The following ITPR3 variants were observed in gnomAD, a reference collection of about 807,000 sequenced individuals.
ITPR3 encodes inositol 1,4,5-trisphosphate receptor type 3.
A neutral mutation model predicts 293.2 loss-of-function variants in ITPR3; 173 were observed. The observed-to-expected ratio is 0.59, with a 90% CI of 0.52 to 0.67. ITPR3 has a LOEUF of 0.67. ITPR3 is among the 30% of genes least tolerant of loss of function. The pLI is 0.00. For missense variants in ITPR3, 2,796 were observed against 3,592.1 expected (o/e 0.78, Z 5.66); for synonymous variants, 1,295 against 1,444.4 (o/e 0.90, Z 2.35).
chr6:33,693,263 T>C (rs1182649905), intron 55 of ITPR3, among the ~76,000 whole-genome samples: 1 of 151,916 alleles, frequency 6.6e-6, no homozygotes, highest in Non-Finnish European at 1.5e-5. Flanking sequence ...ACCTCGCTCA[T>C]TCAGCCATTC....
chr6:33,638,859 A>G lies in ITPR3; in HGVS notation c.90-1625A>G, dbSNP rs1051586154. Among the ~76,000 whole-genome samples the G allele has an allele frequency of 3.3e-5, 5 of 152,174 alleles. No individual in the cohort carries two copies. Among genetic ancestry groups the G allele is most frequent in the Admixed American group, 6.5e-5 (1 of 15,282 alleles). Reference sequence around the variant, plus strand: ...GAGGCCCACAGGGGCTGGCCAAGGAAGGCTTTGTAGAGTAGGAAAGCAGAG... The same window carrying G: ...GAGGCCCACAGGGGCTGGCCAAGGAGGGCTTTGTAGAGTAGGAAAGCAGAG... On this transcript the variant is annotated intron_variant, in intron 1 of 57. Coordinates refer to ENST00000605930, the MANE Select transcript of ITPR3 (RefSeq NM_002224.4). This position sits in a 1 kb window ranked among gnomAD's most constrained non-coding sequence, Gnocchi z 4.3.
Position 33,693,716 on chromosome 6 carries a change from G to C in ITPR3, c.7785+11G>C. On this transcript the variant is annotated intron_variant, in intron 56 of 57. Coordinates refer to ENST00000605930, the MANE Select transcript of ITPR3 (RefSeq NM_002224.4). Reference sequence around the variant, plus strand: ...GCCCAGATGATCAAGGTGTGAGCAGGGGCTGTGCCAGGCCTGTGGGCCCAA... The same window carrying C: ...GCCCAGATGATCAAGGTGTGAGCAGCGGCTGTGCCAGGCCTGTGGGCCCAA... The C allele has an allele frequency of 6.2e-7, 1 of 1,613,270 alleles. No individual in the cohort carries two copies. Among genetic ancestry groups the C allele is most frequent in the Non-Finnish European group, 8.5e-7 (1 of 1,179,490 alleles).
intron 20 of ITPR3, 95 bp from the exon 21 acceptor site, chr6:33,671,070 C>CGCCCTA: frequency 6.4e-7 from 1 of 1,555,600 alleles, no homozygotes; most frequent in Non-Finnish European, 8.7e-7. Context: ...ACGCCCCTTT[C>CGCCCTA]GCCCTAGTTT....
chr6:33,685,064 T>C, intron 39 of ITPR3, 121 bp downstream of exon 39: 3 of 1,175,688 alleles, frequency 2.6e-6, no homozygotes, highest in Non-Finnish European at 3.6e-6. Flanking sequence ...GCCTGAGCAG[T>C]GGCTGAGAGG....
chr6:33,655,877 A>G lies in ITPR3; in HGVS notation c.272A>G (p.Gln91Arg), dbSNP rs1764294618. The G allele has an allele frequency of 5.0e-6, 8 of 1,614,004 alleles. No individual in the cohort carries two copies. The East Asian group carries it at 1.8e-4, about 36-fold the overall frequency. ...AAGATCGCTGATGTGGTGTTGCTGC[A>G]GAAGCTGCAGGTATGTGTGTGTGTG... Reference protein sequence around the residue: ...KEKIADVVLLQKLQHAAQMEQ... With the variant: ...KEKIADVVLLRKLQHAAQMEQ... The change falls in exon 3 of 58, where the codon CAG becomes CGG. Residue 91 changes from glutamine (Q) to arginine (R), a missense_variant. This residue lies in a region of ITPR3 where 144 missense variants were observed against 230.8 expected (regional missense o/e 0.62). Coordinates refer to ENST00000605930, the MANE Select transcript of ITPR3 (RefSeq NM_002224.4). The surrounding 1 kb of genome is among the most constrained non-coding windows in gnomAD (Gnocchi z 4.9).
Position 33,658,096 on chromosome 6 carries a change from AGCAGGCATT to A in ITPR3, c.369+81_369+89del, listed in dbSNP as rs1764359071. ...GGGCTGGTGCTGGGTGAGGGCTGCC[AGCAGGCATT>A]GCCCTCTGTGCATGTGTGTCCCCGG... On this transcript the variant is annotated intron_variant, in intron 4 of 57. Transcript: ENST00000605930. This position sits in a 1 kb window ranked among gnomAD's most constrained non-coding sequence, Gnocchi z 6.1. 1 of 1,261,176 alleles carries A rather than the reference AGCAGGCATT, an allele frequency of 7.9e-7. No homozygotes were observed. Among genetic ancestry groups the A allele is most frequent in the African/African-American group, 1.5e-5 (1 of 67,378 alleles). 78.1% of individuals were successfully genotyped at this position (1,261,176 alleles called of 1,614,324 possible).
Position 33,688,794 on chromosome 6 carries a change from G to C in ITPR3, c.6694+13G>C. 6.2e-7 allele frequency: 1 copy of C among 1,614,094 alleles called. No homozygotes were observed. Among genetic ancestry groups the C allele is most frequent in the East Asian group, 2.2e-5 (1 of 44,872 alleles). On this transcript the variant is annotated intron_variant, in intron 49 of 57. Transcript: ENST00000605930. ...GGCGCGTCCACAGGTGAGAACACAG[G>C]GCTGGCCGGCAGGTTCCCCGGGCCC...
intron 2 of ITPR3, among the ~76,000 whole-genome samples, chr6:33,641,861 A>G (rs1289495622): frequency 6.6e-6 from 1 of 151,828 alleles, no homozygotes; most frequent in African/African-American, 2.4e-5. Flanking sequence ...TTCCCTGACC[A>G]CTCAATACAA....
intron 1 of ITPR3, among the ~76,000 whole-genome samples, chr6:33,623,259 C>T (rs1031485322): frequency 6.6e-6 from 1 of 151,630 alleles, no homozygotes; most frequent in Admixed American, 6.6e-5. Flanking sequence ...GGGAAATGAC[C>T]ACCTCTGTTG....
intron 1 of ITPR3, among the ~76,000 whole-genome samples, chr6:33,627,300 AC>A (rs1339146786): frequency 2.6e-5 from 4 of 152,238 alleles, no homozygotes; most frequent in African/African-American, 7.2e-5. Flanking sequence ...CTGTAATACC[AC>A]TATGGCTTAC....
At position 33,694,405 on chromosome 6, in the gene ITPR3, C is replaced by T. The variant is rs538074849; in HGVS notation, c.7786-519C>T. On this transcript the variant is annotated intron_variant, in intron 56 of 57. Coordinates refer to ENST00000605930, the MANE Select transcript of ITPR3 (RefSeq NM_002224.4). ...GCTGAGAATTGCTTGGTGCCCCCTC[C>T]CCCCCCGACTCCTCTGTCCTGGGAA... 65 of 171,688 alleles carry T rather than the reference C, an allele frequency of 3.8e-4. 1 individual carries two copies. Among genetic ancestry groups the T allele is most frequent in the South Asian group, 2.3e-3 (16 of 6,910 alleles). The allele number at this position is 171,688 out of a possible 1,614,324, so 10.6% of individuals were successfully genotyped here.
chr6:33,668,962 G>T lies in ITPR3; in HGVS notation c.2007-12G>T. 1 of 1,612,054 alleles carries T rather than the reference G, an allele frequency of 6.2e-7. No individual in the cohort carries two copies. The highest frequency in any genetic ancestry group is 8.5e-7 in the Non-Finnish European group (1 of 1,179,318). Reference sequence around the variant, plus strand: ...ACCTGGCTCCCTGTGACAGGTTGCTGGTGGTCTGCAGGCTTCGGCCCGTGA... The same window carrying T: ...ACCTGGCTCCCTGTGACAGGTTGCTTGTGGTCTGCAGGCTTCGGCCCGTGA... On this transcript the variant is annotated splice_polypyrimidine_tract_variant and intron_variant, in intron 17 of 57. Transcript: ENST00000605930.
intron 16 of ITPR3, among the ~76,000 whole-genome samples, chr6:33,668,208 T>C (rs1399643493): frequency 2.0e-5 from 3 of 152,188 alleles, no homozygotes; most frequent in Non-Finnish European, 4.4e-5. Flanking sequence ...CCCAAGACCT[T>C]CTCCAGTGAC....
At chr6:33,650,074 TG>T (rs1764152467) in intron 2 of ITPR3, among the ~76,000 whole-genome samples, 2 of 152,248 alleles carry the variant, frequency 1.3e-5, no homozygotes, top group South Asian at 2.1e-4. Context: ...GAAACCTCCC[TG>T]GACCCTCCAC....
Position 33,680,622 on chromosome 6 carries a change from T to C in ITPR3, c.4418T>C (p.Leu1473Pro). Reference sequence around the variant, plus strand: ...GAGAAGTACGTGCTGAGCGTTGTGCTGGACACCATCAACGCCTTCTTCAGC... The same window carrying C: ...GAGAAGTACGTGCTGAGCGTTGTGCCGGACACCATCAACGCCTTCTTCAGC... ...TLEKYVLSVV[L>P]DTINAFFSSP... The change falls in exon 33 of 58, where the codon CTG (leucine) becomes CCG (proline). Residue 1473 changes from leucine to proline, a missense_variant. Transcript: ENST00000605930. The C allele has an allele frequency of 1.2e-6, 2 of 1,614,138 alleles. No homozygotes were observed. The highest frequency in any genetic ancestry group is 1.1e-5 in the South Asian group (1 of 91,086).
Position 33,675,496 on chromosome 6 carries a change from C to A in ITPR3, c.3117-195C>A, listed in dbSNP as rs1033582697. ...GAGTCCCGAGAGATCCCAGGAGACA[C>A]GGGTCACTCCGGAGATTCAGGGGAG... is the stretch of plus-strand genomic sequence containing the variant. On this transcript the variant is annotated intron_variant, in intron 24 of 57. Transcript: ENST00000605930. The surrounding 1 kb of genome is among the most constrained non-coding windows in gnomAD (Gnocchi z 5.0). Among the ~76,000 whole-genome samples, 1 of 151,842 alleles carries A rather than the reference C, an allele frequency of 6.6e-6. No homozygotes were observed. Among genetic ancestry groups the A allele is most frequent in the Non-Finnish European group, 1.5e-5 (1 of 68,010 alleles).
chr6:33,676,289 A>G (rs976486333), intron 25 of ITPR3, among the ~76,000 whole-genome samples: 1 of 152,242 alleles, frequency 6.6e-6, no homozygotes, highest in African/African-American at 2.4e-5. Flanking sequence ...GCATTCTCAC[A>G]GCAGCCCTGA....
chr6:33,691,508 G>T lies in ITPR3; in HGVS notation c.7226-107G>T. 1.1e-6 allele frequency: 1 copy of T among 908,916 alleles called. No individual in the cohort carries two copies. Among genetic ancestry groups the T allele is most frequent in the Non-Finnish European group, 1.7e-6 (1 of 582,400 alleles). 56.3% of individuals were successfully genotyped at this position (908,916 alleles called of 1,614,324 possible). A position where few individuals can be genotyped will look rare whatever the true frequency, so the allele number is the denominator to read the frequency against. Reference sequence around the variant, plus strand: ...TGTGGCTGGACAGTGGAGGGCTGGCGATCCAGGACCAGGGAAGGTTTCCTG... The same window carrying T: ...TGTGGCTGGACAGTGGAGGGCTGGCTATCCAGGACCAGGGAAGGTTTCCTG... On this transcript the variant is annotated intron_variant, in intron 52 of 57. Transcript: ENST00000605930. The surrounding 1 kb of genome is among the most constrained non-coding windows in gnomAD (Gnocchi z 4.9).
rs919658611 is a variant in ITPR3 at position 33,655,602 on chromosome 6, T to C, written c.161-164T>C. 1.3e-5 allele frequency among the ~76,000 whole-genome samples: 2 copies of C among 151,978 alleles called. No individual in the cohort carries two copies. The highest frequency in any genetic ancestry group is 1.3e-4 in the Admixed American group (2 of 15,264). Reference sequence around the variant, plus strand: ...TTCTACTCAGCATATTCCAGGATGCTCCAAATTCTGTGAGGTTCTTCCAAC... The same window carrying C: ...TTCTACTCAGCATATTCCAGGATGCCCCAAATTCTGTGAGGTTCTTCCAAC... On this transcript the variant is annotated intron_variant, in intron 2 of 57. Coordinates refer to ENST00000605930, the MANE Select transcript of ITPR3 (RefSeq NM_002224.4). The surrounding 1 kb of genome is among the most constrained non-coding windows in gnomAD (Gnocchi z 4.9).
Sources: gnomAD v4.1 joint callset for allele counts (sites outside exome capture counted in the v4.1 genomes callset) on GRCh38, gnomAD v4.1.1 for gene constraint, gnomAD v4.1.1 regional missense constraint, Gnocchi (gnomAD v3.1) non-coding constraint, MANE v1.5 for transcripts, NCBI Gene and HGNC (gene_info 2026-07-23, HGNC 2026-07-21) for gene names.